Variants in KCNJ6 observed in about 807,000 individuals in gnomAD.
KCNJ6 encodes potassium inwardly rectifying channel subfamily J member 6.
Under a neutral mutation model 34.2 loss-of-function variants are expected in KCNJ6, and 9 were observed. The ratio of observed to expected loss-of-function variants is 0.26; its 90% CI spans 0.16 to 0.46. KCNJ6 has a LOEUF of 0.46. KCNJ6 is among the 20% of genes least tolerant of loss of function. KCNJ6 has a pLI of 1.00. For synonymous variants in KCNJ6, 196 were observed against 207.1 expected (o/e 0.95, Z 0.46); for missense variants, 236 against 531.3 (o/e 0.44, Z 5.46).
At chr21:37,864,876 T>C (rs1196247604) in intron 1 of KCNJ6, among the ~76,000 whole-genome samples, 4 of 151,518 alleles carry the variant, frequency 2.6e-5, no homozygotes, top group South Asian at 2.1e-4. Flanking sequence ...TCTCTCTTTT[T>C]TTTTTTTTTT....
At chr21:37,753,879 C>T (rs2835936) in intron 2 of KCNJ6, among the ~76,000 whole-genome samples, 32,565 of 152,148 alleles carry the variant, frequency 0.21, 4,127 homozygotes, top group East Asian at 0.33. Flanking sequence ...CTATGCCTTT[C>T]ATTCCCATGG....
At chr21:37,863,631 A>G (rs1465874580) in intron 1 of KCNJ6, among the ~76,000 whole-genome samples, 1 of 152,200 alleles carries the variant, frequency 6.6e-6, no homozygotes, top group African/African-American at 2.4e-5. Flanking sequence ...TTATTAAAAT[A>G]GGTTTCCACA....
chr21:37,698,324 C>T (rs1235112878), intron 3 of KCNJ6, among the ~76,000 whole-genome samples: 2 of 152,206 alleles, frequency 1.3e-5, no homozygotes, highest in African/African-American at 2.4e-5. Context: ...CCTGCTTCTC[C>T]AGGCGGGGGC....
intron 2 of KCNJ6, among the ~76,000 whole-genome samples, chr21:37,832,412 G>A (rs748852655): frequency 4.6e-5 from 7 of 151,900 alleles, no homozygotes; most frequent in Non-Finnish European, 8.8e-5. Flanking sequence ...CGTCTTCCTC[G>A]GCCCTTAACT....
intron 1 of KCNJ6, among the ~76,000 whole-genome samples, chr21:37,905,065 C>T (rs922325193): frequency 1.3e-5 from 2 of 152,204 alleles, no homozygotes; most frequent in African/African-American, 4.8e-5. Context: ...TCCCTCTGGC[C>T]CATGCAGTGT....
At chr21:37,641,061 G>C (rs1015351690) in intron 3 of KCNJ6, among the ~76,000 whole-genome samples, 12 of 152,258 alleles carry the variant, frequency 7.9e-5, no homozygotes, top group African/African-American at 2.9e-4. Context: ...GCTGCAACTG[G>C]GTTATAGGAA....
chr21:37,674,071 G>A (rs2054553620), intron 3 of KCNJ6, among the ~76,000 whole-genome samples: 1 of 152,150 alleles, frequency 6.6e-6, no homozygotes, highest in South Asian at 2.1e-4. Flanking sequence ...TGGAGTGTGG[G>A]GCCAGGGGAG....
chr21:37,726,158 G>T (rs967655276), intron 2 of KCNJ6, among the ~76,000 whole-genome samples: 4 of 152,052 alleles, frequency 2.6e-5, no homozygotes, highest in Middle Eastern at 3.2e-3. Flanking sequence ...CACCCCCCTC[G>T]TCCTTCCAAA....
chr21:37,626,694 ACATT>A (rs1310943921), intron 3 of KCNJ6, among the ~76,000 whole-genome samples: 5 of 152,180 alleles, frequency 3.3e-5, no homozygotes, highest in Non-Finnish European at 7.3e-5. Flanking sequence ...GGAAATGAAA[ACATT>A]CATTCAGTCA....
chr21:37,635,206 A>T (rs972580793), intron 3 of KCNJ6, among the ~76,000 whole-genome samples: 2 of 151,764 alleles, frequency 1.3e-5, no homozygotes. Flanking sequence ...ATTTTATATA[A>T]TATTACTTTA....
chr21:37,764,878 C>A (rs1231685919), intron 2 of KCNJ6, among the ~76,000 whole-genome samples: 1 of 152,140 alleles, frequency 6.6e-6, no homozygotes, highest in Admixed American at 6.5e-5. Flanking sequence ...CAGCCAGAAG[C>A]CTTGCTCTAA....
rs536024177 is a variant in KCNJ6, at chr21:37,840,549, G to C, written c.25+109C>G. On this transcript the variant is annotated intron_variant, in intron 2 of 3. Coordinates refer to ENST00000609713, the MANE Select transcript of KCNJ6 (RefSeq NM_002240.5). ...TGTGAAACAGATCTCGGTCCCGTAA[G>C]AGCAAAAGAGAAGGACAAATCAGAT... 1.9e-5 allele frequency: 14 copies of C among 725,322 alleles called. No homozygotes were observed. The Admixed American group carries it at 3.1e-4, about 16-fold the overall frequency. The allele number at this position is 725,322 out of a possible 1,614,324, so 44.9% of individuals were successfully genotyped here. A position where few individuals can be genotyped will look rare whatever the true frequency, so the allele number is the denominator to read the frequency against.
intron 2 of KCNJ6, among the ~76,000 whole-genome samples, chr21:37,786,496 T>C (rs1412520983): frequency 6.6e-6 from 1 of 152,140 alleles, no homozygotes; most frequent in Non-Finnish European, 1.5e-5. Context: ...CAGAAGAAAA[T>C]AAGGTGCCTC....
At chr21:37,736,287 T>G (rs1246122978) in intron 2 of KCNJ6, among the ~76,000 whole-genome samples, 1 of 150,550 alleles carries the variant, frequency 6.6e-6, no homozygotes, top group Non-Finnish European at 1.5e-5. Flanking sequence ...AGTCTGGGGG[T>G]GAGGGTGGGG....
intron 3 of KCNJ6, among the ~76,000 whole-genome samples, chr21:37,678,245 G>A (rs760919868): frequency 1.3e-5 from 2 of 152,210 alleles, no homozygotes; most frequent in African/African-American, 2.4e-5. Flanking sequence ...TTGGGCTGCT[G>A]AAGTGAAGAT....
intron 2 of KCNJ6, among the ~76,000 whole-genome samples, chr21:37,793,582 T>C (rs2055227542): frequency 6.9e-6 from 1 of 145,242 alleles, no homozygotes; most frequent in African/African-American, 2.5e-5. Flanking sequence ...GAGTGAGAGC[T>C]ATCAAGCCTC....
At chr21:37,713,654 T>C (rs1233229056) in intron 3 of KCNJ6, among the ~76,000 whole-genome samples, 1 of 152,186 alleles carries the variant, frequency 6.6e-6, no homozygotes, top group Non-Finnish European at 1.5e-5. Flanking sequence ...GCTAGAGTTA[T>C]TTACTGTGTC....
At chr21:37,703,120 T>C (rs2054700140) in intron 3 of KCNJ6, among the ~76,000 whole-genome samples, 1 of 152,212 alleles carries the variant, frequency 6.6e-6, no homozygotes, top group East Asian at 1.9e-4. Flanking sequence ...AGTTTTGTTT[T>C]TCTTTGTTTG....
intron 2 of KCNJ6, among the ~76,000 whole-genome samples, chr21:37,802,540 A>T (rs2055274174): frequency 6.6e-6 from 1 of 152,164 alleles, no homozygotes; most frequent in Non-Finnish European, 1.5e-5. Flanking sequence ...AGCTTTGAAG[A>T]TGAAGAATCA....
Sources: allele counts gnomAD v4.1 joint callset (sites outside exome capture counted in the v4.1 genomes callset), GRCh38; gene constraint gnomAD v4.1.1; transcripts MANE v1.5; gene names NCBI Gene and HGNC (gene_info 2026-07-23, HGNC 2026-07-21).